The following MTMR2 variants were observed in gnomAD, a reference collection of about 807,000 sequenced individuals.
The protein encoded by MTMR2 is myotubularin related protein 2.
In MTMR2, 55 loss-of-function variants were observed where a neutral mutation model predicts 86.9. The observed-to-expected ratio is 0.63, with a 90% CI of 0.51 to 0.79. The LOEUF is 0.79. MTMR2 is among the 30% of genes least tolerant of loss of function. MTMR2 has a pLI of 0.00. For missense variants in MTMR2, 659 were observed against 772.3 expected, an observed-to-expected ratio of 0.85 and a Z score of 1.74; for synonymous variants, 241 against 266.8, an observed-to-expected ratio of 0.90 and a Z score of 0.94.
intron 1 of MTMR2, among the ~76,000 whole-genome samples, chr11:95,893,358 T>C (rs573631564): frequency 6.6e-6 from 1 of 152,154 alleles, no homozygotes; most frequent in Non-Finnish European, 1.5e-5. Context: ...TTTGACTAGA[T>C]GCCAACCCTT....
intron 1 of MTMR2, among the ~76,000 whole-genome samples, chr11:95,915,733 C>T (rs1400247864): frequency 6.6e-6 from 1 of 152,116 alleles, no homozygotes; most frequent in Non-Finnish European, 1.5e-5. Context: ...GGATAAAATA[C>T]ATGGATACAT....
intron 11 of MTMR2, among the ~76,000 whole-genome samples, chr11:95,843,581 T>G (rs1385147056): frequency 6.6e-6 from 1 of 152,152 alleles, no homozygotes; most frequent in East Asian, 1.9e-4. Flanking sequence ...CACTTACATA[T>G]CTGTATATGG....
At chr11:95,882,483 G>C (rs1865362961) in intron 2 of MTMR2, 1 of 149,916 alleles carries the variant, frequency 6.7e-6, no homozygotes, top group Non-Finnish European at 1.5e-5. Flanking sequence ...CTAGGGGATA[G>C]AGCGAGACTC....
intron 1 of MTMR2, among the ~76,000 whole-genome samples, chr11:95,908,808 T>G (rs913938193): frequency 6.6e-6 from 1 of 152,074 alleles, no homozygotes; most frequent in African/African-American, 2.4e-5. Flanking sequence ...CTGGAACCCT[T>G]AGAAATGAAT....
intron 3 of MTMR2, among the ~76,000 whole-genome samples, chr11:95,863,101 T>C (rs192868351): frequency 6.6e-6 from 1 of 152,220 alleles, no homozygotes; most frequent in Non-Finnish European, 1.5e-5. Flanking sequence ...TTATTTAAAA[T>C]GCCACAGTTC....
rs566995379 is a variant in MTMR2, at chr11:95,862,159, G to A, written c.358-57C>T. 1.2e-5 allele frequency: 18 copies of A among 1,534,262 alleles called. No individual in the cohort carries two copies. The East Asian group carries it at 3.6e-4, about 31-fold the overall frequency. On this transcript the variant is annotated intron_variant, in intron 4 of 14. Coordinates refer to ENST00000346299, the MANE Select transcript of MTMR2 (RefSeq NM_016156.6). ...GAGCAATTAATACTGTCCAATTATA[G>A]AGCTGATCAAAATCTTAATCAGAAA...
intron 1 of MTMR2, among the ~76,000 whole-genome samples, chr11:95,918,930 C>G (rs1866809908): frequency 6.6e-6 from 1 of 152,176 alleles, no homozygotes; most frequent in South Asian, 2.1e-4. Context: ...TCAACGTTCC[C>G]AGGCTCAGGT....
rs766286871 is a variant in MTMR2 at position 95,849,725 on chromosome 11, G to A, written c.942C>T (p.His314=). ...GCCGGGCATCAAATATAAAGATTTT[G>A]TGAGACTGGGCATTGGAATCCATGA... ...QAIMDSNAQS[H]KIFIFDARPS... is the part of the protein sequence containing the mutation. The change falls in exon 9 of 15, where the codon CAC becomes CAT. Residue 314 remains histidine (H), a synonymous_variant. Coordinates refer to ENST00000346299, the MANE Select transcript of MTMR2 (RefSeq NM_016156.6). The A allele has an allele frequency of 6.2e-7, 1 of 1,614,106 alleles. No homozygotes were observed. Among genetic ancestry groups the A allele is most frequent in the Non-Finnish European group, 8.5e-7 (1 of 1,179,978 alleles).
chr11:95,858,482 G>A (rs971385579), intron 6 of MTMR2, 49 bp downstream of exon 6: 33 of 1,244,248 alleles, frequency 2.7e-5, no homozygotes, highest in African/African-American at 5.9e-5. Context: ...TTCTTTATAC[G>A]ACATCAATAA....
Position 95,903,711 on chromosome 11 carries a change from C to A in MTMR2, c.81-15450G>T, listed in dbSNP as rs191808606. Reference sequence around the variant, plus strand: ...TCCTGTTTCACTCAAAAATACAGAACCAAACACAGATTTTCCACAAGCTCT... The same window carrying A: ...TCCTGTTTCACTCAAAAATACAGAAACAAACACAGATTTTCCACAAGCTCT... On this transcript the variant is annotated intron_variant, in intron 1 of 14. Transcript: ENST00000346299. Among the ~76,000 whole-genome samples, 629 of 152,274 alleles carry A rather than the reference C, an allele frequency of 4.1e-3. 12 individuals carry two copies. The highest frequency in any genetic ancestry group is 0.014 in the South Asian group (66 of 4,828).
At chr11:95,854,102 T>C (rs556082982) in intron 7 of MTMR2, among the ~76,000 whole-genome samples, 1 of 152,208 alleles carries the variant, frequency 6.6e-6, no homozygotes, top group Admixed American at 6.5e-5. Context: ...TCATGGCTAT[T>C]GTCCTCCTCA....
chr11:95,903,475 T>C (rs949430633), intron 1 of MTMR2, among the ~76,000 whole-genome samples: 3 of 152,054 alleles, frequency 2.0e-5, no homozygotes, highest in Non-Finnish European at 4.4e-5. Context: ...GTTGAACGAG[T>C]TGACAGAAAA....
chr11:95,909,231 A>T (rs1866407798), intron 1 of MTMR2, among the ~76,000 whole-genome samples: 4 of 152,224 alleles, frequency 2.6e-5, no homozygotes, highest in African/African-American at 7.2e-5. Context: ...GGGGGGGGAA[A>T]ATTACTCTCT....
At chr11:95,837,670 A>AAACTT (rs1174242799) in intron 13 of MTMR2, among the ~76,000 whole-genome samples, 17 of 152,188 alleles carry the variant, frequency 1.1e-4, no homozygotes, top group African/African-American at 4.1e-4. Context: ...AAAAACTCAA[A>AAACTT]AACTTAACCT....
At chr11:95,847,547 T>C (rs1863842387) in intron 10 of MTMR2, among the ~76,000 whole-genome samples, 167 bp downstream of exon 10, 1 of 152,120 alleles carries the variant, frequency 6.6e-6, no homozygotes, top group African/African-American at 2.4e-5. Flanking sequence ...AAAAAACCAA[T>C]TCATTCAAAC....
At chr11:95,885,522 C>G (rs1865484354) in intron 2 of MTMR2, among the ~76,000 whole-genome samples, 1 of 151,996 alleles carries the variant, frequency 6.6e-6, no homozygotes, top group African/African-American at 2.4e-5. Context: ...AAAGATCTGA[C>G]TGAAAGAACT....
rs546590385 is a variant in MTMR2 at position 95,867,631 on chromosome 11, T to A, written c.187-1955A>T. Among the ~76,000 whole-genome samples the A allele has an allele frequency of 6.6e-5, 10 of 152,258 alleles. No individual in the cohort carries two copies. The South Asian group carries it at 2.1e-3, about 32-fold the overall frequency. On this transcript the variant is annotated intron_variant, in intron 2 of 14. Coordinates refer to ENST00000346299, the MANE Select transcript of MTMR2 (RefSeq NM_016156.6). ...TGACAGACTTTTAACAATAGGCTTATGCTAAAGGTTGTATATAAACAACTA... is the reference window on the plus strand; with the variant it reads ...TGACAGACTTTTAACAATAGGCTTAAGCTAAAGGTTGTATATAAACAACTA...
intron 7 of MTMR2, among the ~76,000 whole-genome samples, chr11:95,851,229 A>C (rs1264699292): frequency 1.3e-5 from 2 of 150,902 alleles, no homozygotes; most frequent in Non-Finnish European, 3.0e-5. Flanking sequence ...TGCTGGGCTA[A>C]TTTTTGTATT....
intron 6 of MTMR2, among the ~76,000 whole-genome samples, chr11:95,858,128 G>A (rs892447637): frequency 6.6e-6 from 1 of 152,054 alleles, no homozygotes; most frequent in Non-Finnish European, 1.5e-5. Flanking sequence ...ATATAAACGT[G>A]GGAGTCTAAC....
Sources: allele counts gnomAD v4.1 joint callset (sites outside exome capture counted in the v4.1 genomes callset), GRCh38; gene constraint gnomAD v4.1.1; transcripts MANE v1.5; gene names NCBI Gene and HGNC (gene_info 2026-07-23, HGNC 2026-07-21).